CCDC7: variants seen among roughly 807,000 people sequenced by gnomAD.
The protein encoded by CCDC7 is coiled-coil domain containing 7, also known as coiled-coil domain-containing protein 7.
Under a neutral mutation model 196.9 loss-of-function variants are expected in CCDC7, and 183 were observed. That is an observed-to-expected ratio of 0.93 (90% CI 0.82 to 1.05). CCDC7 has a LOEUF of 1.05. Among genes scored for constraint, CCDC7 ranks in the 50% least tolerant of loss-of-function variants. The pLI is 0.00. For missense variants in CCDC7, 1,540 were observed against 1,482.2 expected (o/e 1.04, Z -0.64); for synonymous variants, 525 against 484.6 (o/e 1.08, Z -1.10).
chr10:32,693,135 T>A (rs1345593692), intron 23 of CCDC7, among the ~76,000 whole-genome samples: 3 of 152,260 alleles, frequency 2.0e-5, no homozygotes, highest in African/African-American at 7.2e-5. Flanking sequence ...CTTTTATTTT[T>A]TCTTCAATGA....
At chr10:32,655,194 T>G (rs1274404718) in intron 20 of CCDC7, among the ~76,000 whole-genome samples, 1 of 152,246 alleles carries the variant, frequency 6.6e-6, no homozygotes, top group South Asian at 2.1e-4. Flanking sequence ...ACAGCTATTA[T>G]AGTTGTGAGG....
At chr10:32,543,460 G>A (rs1429755373) in intron 12 of CCDC7, 75 bp downstream of exon 13, 3 of 1,157,292 alleles carry the variant, frequency 2.6e-6, no homozygotes, top group African/African-American at 3.2e-5. Context: ...ACAATTTAAA[G>A]TCAAATAAAC....
chr10:32,847,613 G>T (rs1362987043), intron 37 of CCDC7, among the ~76,000 whole-genome samples: 1 of 151,504 alleles, frequency 6.6e-6, no homozygotes, highest in East Asian at 1.9e-4. Context: ...TACTTGGAGA[G>T]GCCAAGGCGG....
At chr10:32,711,665 A>T (rs767147435) in exon 25 of CCDC7, 1 of 1,596,862 alleles carries the variant, frequency 6.3e-7, no homozygotes, top group Non-Finnish European at 8.5e-7. Context: ...AAACATCAAG[A>T]TTCAGTGTCA....
chr10:32,629,012 C>G (rs572821322), intron 18 of CCDC7, among the ~76,000 whole-genome samples: 22 of 152,086 alleles, frequency 1.4e-4, no homozygotes, highest in Admixed American at 1.3e-3. Context: ...CTATTAGGTT[C>G]GCTTGATCTA....
At chr10:32,544,652 T>C (rs986643212) in intron 13 of CCDC7, among the ~76,000 whole-genome samples, 1 of 152,180 alleles carries the variant, frequency 6.6e-6, no homozygotes, top group Non-Finnish European at 1.5e-5. Flanking sequence ...TAATTCCCTT[T>C]AACCTATTTG....
At chr10:32,794,768 G>C (rs2083279556) in intron 29 of CCDC7, among the ~76,000 whole-genome samples, 1 of 151,982 alleles carries the variant, frequency 6.6e-6, no homozygotes, top group African/African-American at 2.4e-5. Flanking sequence ...TATTTTAATG[G>C]GGTTATTTGC....
intron 20 of CCDC7, among the ~76,000 whole-genome samples, chr10:32,652,046 C>G (rs367835969): frequency 6.6e-6 from 1 of 152,100 alleles, no homozygotes; most frequent in Non-Finnish European, 1.5e-5. Context: ...GTATCACGTT[C>G]AATCGCTTTT....
chr10:32,771,606 G>A (rs1002333108), intron 28 of CCDC7, among the ~76,000 whole-genome samples: 1 of 152,286 alleles, frequency 6.6e-6, no homozygotes, highest in East Asian at 1.9e-4. Flanking sequence ...CTGCTGATGG[G>A]GCATGTCTGC....
intron 13 of CCDC7, among the ~76,000 whole-genome samples, chr10:32,551,318 C>T (rs1047629214): frequency 1.3e-5 from 2 of 151,884 alleles, no homozygotes; most frequent in African/African-American, 4.8e-5. Flanking sequence ...TGTTAATGGT[C>T]GATCAGTTTT....
chr10:32,479,831 G>T (rs2039639804), intron 8 of CCDC7, among the ~76,000 whole-genome samples: 1 of 53,700 alleles, frequency 1.9e-5, no homozygotes, highest in Non-Finnish European at 4.6e-5. Flanking sequence ...CTGGGTCCTG[G>T]TTTTTTCTTT....
intron 29 of CCDC7, among the ~76,000 whole-genome samples, chr10:32,801,524 T>C (rs1206362729): frequency 6.6e-6 from 1 of 152,206 alleles, no homozygotes; most frequent in Non-Finnish European, 1.5e-5. Context: ...ACACCCTTAA[T>C]ATTCATTCTC....
chr10:32,746,097 C>T (rs1276686552), intron 28 of CCDC7, among the ~76,000 whole-genome samples: 1 of 152,074 alleles, frequency 6.6e-6, no homozygotes, highest in Admixed American at 6.5e-5. Flanking sequence ...GAGCATCTCC[C>T]ACTGAGAGAC....
At chr10:32,878,489 GCAGGATAACC>G (rs1273622397), downstream of CCDC7, among the ~76,000 whole-genome samples, 1 of 152,072 alleles carries the variant, frequency 6.6e-6, no homozygotes, top group East Asian at 1.9e-4. Flanking sequence ...TTTCAGGATA[GCAGGATAACC>G]CTTAATATTG....
chr10:32,705,965 G>A (rs907702190), intron 24 of CCDC7, among the ~76,000 whole-genome samples: 9 of 151,994 alleles, frequency 5.9e-5, no homozygotes, highest in African/African-American at 1.2e-4. Context: ...TGCACCAAGC[G>A]GACCTACTGG....
chr10:32,462,731 C>G, intron 4 of CCDC7, 28 bp downstream of exon 5: 1 of 1,451,418 alleles, frequency 6.9e-7, no homozygotes, highest in Non-Finnish European at 9.3e-7. Context: ...CAGCTTAAGC[C>G]TACTAAAACT....
exon 23 of CCDC7, chr10:32,689,124 G>A (rs570831780): frequency 1.2e-6 from 2 of 1,605,246 alleles, no homozygotes; most frequent in African/African-American, 1.3e-5. Flanking sequence ...AGAAATGCAA[G>A]TGAAGGAACA....
At chr10:32,511,120 G>A (rs1392858794) in intron 9 of CCDC7, among the ~76,000 whole-genome samples, 3 of 151,502 alleles carry the variant, frequency 2.0e-5, no homozygotes, top group Non-Finnish European at 2.9e-5. Context: ...ATATCACAAT[G>A]TTAAAATCCT....
intron 9 of CCDC7, among the ~76,000 whole-genome samples, chr10:32,505,655 C>T (rs1442786514): frequency 7.9e-5 from 12 of 151,904 alleles, no homozygotes; most frequent in African/African-American, 2.2e-4. Context: ...TCGACAAAAC[C>T]GCCACTGTCA....
Sources: allele counts gnomAD v4.1 joint callset (sites outside exome capture counted in the v4.1 genomes callset), GRCh38; gene constraint gnomAD v4.1.1; transcripts MANE v1.5; gene names NCBI Gene and HGNC (gene_info 2026-07-23, HGNC 2026-07-21).